The following EPB41L1 variants were observed in gnomAD, a reference collection of about 807,000 sequenced individuals.
EPB41L1 encodes erythrocyte membrane protein band 4.1 like 1, also known as band 4.1-like protein 1.
In EPB41L1, 29 loss-of-function variants were observed where a neutral mutation model predicts 97.8. The observed-to-expected ratio is 0.30, with a 90% confidence interval of 0.22 to 0.40. The LOEUF (loss-of-function observed/expected upper bound fraction) is 0.40. Among genes scored for constraint, EPB41L1 ranks in the 10% least tolerant of loss-of-function variants. The probability of loss-of-function intolerance (pLI) is 1.00; values close to 1 mark genes in which losing one functional copy is unlikely to be tolerated. For missense variants in EPB41L1, 812 were observed against 1,162.3 expected (o/e 0.70, Z 4.38); for synonymous variants, 383 against 459.2 (o/e 0.83, Z 2.12).
At chr20:36,117,425 T>C (rs2058620249) in intron 2 of EPB41L1, among the ~76,000 whole-genome samples, 1 of 137,936 alleles carries the variant, frequency 7.2e-6, no homozygotes, top group African/African-American at 3.6e-5. Context: ...AGAAGAATTC[T>C]TTCATAATTC....
In EPB41L1 at chr20:36,190,583, G is replaced by A. The variant is rs199952846; in HGVS notation, c.1125-39G>A. 3,508 of 1,613,084 alleles carry A rather than the reference G, an allele frequency of 2.2e-3. 3 individuals carry two copies. The highest frequency in any genetic ancestry group is 3.4e-3 in the Middle Eastern group (20 of 5,968). On this transcript the variant is annotated intron_variant, in intron 10 of 21. Transcript: ENST00000338074. This position sits in a 1 kb window ranked among gnomAD's most constrained non-coding sequence, Gnocchi z 5.8. ...TCTAACCTTGGGCCTGGCAGTGCAGGTCTGATTCCTCCTCCTCCCCTGCAT... is the reference window on the plus strand; with the variant it reads ...TCTAACCTTGGGCCTGGCAGTGCAGATCTGATTCCTCCTCCTCCCCTGCAT...
At position 36,092,885 on chromosome 20, in the gene EPB41L1, G is replaced by A. The variant is rs1023980165; in HGVS notation, c.-65+1273G>A. The A allele has an allele frequency of 6.6e-6, 1 of 152,102 alleles. No homozygotes were observed. The highest frequency in any genetic ancestry group is 2.4e-5 in the African/African-American group (1 of 41,438). The allele number at this position is 152,102 out of a possible 1,614,324, so 9.4% of individuals were successfully genotyped here. On this transcript the variant is annotated intron_variant, in intron 1 of 19. Transcript: ENST00000202028. The surrounding 1 kb of genome is among the most constrained non-coding windows in gnomAD (Gnocchi z 7.0). Reference sequence around the variant, plus strand: ...CGTCGGGTCCCGCGTGTGCGTGTGGGGTGGCCGCCGAGGGCGGCGGGCTCG... The same window carrying A: ...CGTCGGGTCCCGCGTGTGCGTGTGGAGTGGCCGCCGAGGGCGGCGGGCTCG...
intron 1 of EPB41L1, among the ~76,000 whole-genome samples, chr20:36,099,270 A>G (rs1373471633): frequency 1.3e-5 from 2 of 152,174 alleles, no homozygotes; most frequent in African/African-American, 4.8e-5. Flanking sequence ...AGCATGCCTA[A>G]TGAGGTAGTA....
At chr20:36,098,474 C>G (rs2057905776) in intron 1 of EPB41L1, among the ~76,000 whole-genome samples, 1 of 152,196 alleles carries the variant, frequency 6.6e-6, no homozygotes, top group Non-Finnish European at 1.5e-5. Flanking sequence ...CTGCCTTTCT[C>G]CTAGCTTCTG....
Position 36,146,360 on chromosome 20 carries a change from C to T in EPB41L1, c.-9-29191C>T, listed in dbSNP as rs183837824. Among the ~76,000 whole-genome samples, 1,244 of 152,292 alleles carry T rather than the reference C, an allele frequency of 8.2e-3. 16 individuals are homozygous for T. The highest frequency in any genetic ancestry group is 0.032 in the Admixed American group (492 of 15,302). On this transcript the variant is annotated intron_variant, in intron 2 of 19. Transcript: ENST00000202028. ...TCCTCAAGCTGCTCACAGGCTTCTA[C>T]GAGAGTCTGATTCATGCCCAGAGAA... is the stretch of plus-strand genomic sequence containing the variant.
At chr20:36,218,195 A>C (rs368714012) in intron 17 of EPB41L1, among the ~76,000 whole-genome samples, 1 of 152,262 alleles carries the variant, frequency 6.6e-6, no homozygotes, top group African/African-American at 2.4e-5. Context: ...ACTTGCTGGG[A>C]GACTGAACTC....
chr20:36,156,903 C>A (rs1464167047), intron 1 of EPB41L1, among the ~76,000 whole-genome samples: 1 of 152,118 alleles, frequency 6.6e-6, no homozygotes, highest in Non-Finnish European at 1.5e-5. Flanking sequence ...CCTAAGAGCC[C>A]CTTTCTGGGC....
chr20:36,210,598 T>A (rs954285928), intron 15 of EPB41L1, among the ~76,000 whole-genome samples: 2 of 152,156 alleles, frequency 1.3e-5, no homozygotes, highest in African/African-American at 4.8e-5. Flanking sequence ...CACTTCATGC[T>A]ATATTCTCTG....
At chr20:36,172,173 G>C (rs2061020055) in intron 1 of EPB41L1, among the ~76,000 whole-genome samples, 1 of 152,052 alleles carries the variant, frequency 6.6e-6, no homozygotes, top group South Asian at 2.1e-4. Flanking sequence ...CTGCCTCCTG[G>C]GTTCAAGCGA....
At position 36,197,946 on chromosome 20, in the gene EPB41L1, C is replaced by T; in HGVS notation, c.1573C>T (p.Leu525Phe). 6.2e-7 allele frequency: 1 copy of T among 1,614,184 alleles called. No homozygotes were observed. Among genetic ancestry groups the T allele is most frequent in the Non-Finnish European group, 8.5e-7 (1 of 1,180,034 alleles). ...GACCCTGAAGGAGCCCAACAGCAAACTCATCCACCGGGATCGAGACTGGGA... is the reference window on the plus strand; with the variant it reads ...GACCCTGAAGGAGCCCAACAGCAAATTCATCCACCGGGATCGAGACTGGGA... ...KRTLKEPNSK[L>F]IHRDRDWERE... Residue 525 changes from leucine (L) to phenylalanine (F), a missense_variant, in exon 14 of 22, where the codon CTC (leucine) becomes TTC (phenylalanine). Leu to Phe is a conservative substitution (Grantham distance 22). Transcript: ENST00000338074.
Position 36,176,634 on chromosome 20 carries a change from T to C in EPB41L1, c.342+919T>C, listed in dbSNP as rs532526862. On this transcript the variant is annotated intron_variant, in intron 3 of 21. Transcript: ENST00000338074. ...CATGTATTTTTTCTTTTTTTTCTTT[T>C]TTTTTTTTTTTTGTTGAGACAGAGT... 1.1e-4 allele frequency among the ~76,000 whole-genome samples: 17 copies of C among 149,746 alleles called. No individual in the cohort carries two copies. The South Asian group carries it at 2.3e-3, about 20-fold the overall frequency.
intron 1 of EPB41L1, among the ~76,000 whole-genome samples, chr20:36,104,397 A>G (rs1459490381): frequency 6.6e-6 from 1 of 152,220 alleles, no homozygotes; most frequent in Non-Finnish European, 1.5e-5. Flanking sequence ...CAGAAGGGGC[A>G]TAGGGTCGGC....
intron 2 of EPB41L1, among the ~76,000 whole-genome samples, chr20:36,132,987 G>A (rs1405713629): frequency 1.3e-5 from 2 of 152,224 alleles, no homozygotes; most frequent in Non-Finnish European, 2.9e-5. Flanking sequence ...AATACTCTTG[G>A]GAGGGCCAAG....
chr20:36,144,320 C>A (rs1055689345), intron 2 of EPB41L1, among the ~76,000 whole-genome samples: 4 of 152,194 alleles, frequency 2.6e-5, no homozygotes, highest in African/African-American at 9.7e-5. Context: ...CCCTCCCCTG[C>A]CTGGTTCCTT....
intron 2 of EPB41L1, among the ~76,000 whole-genome samples, chr20:36,136,283 G>A (rs1374164234): frequency 3.3e-5 from 5 of 150,394 alleles, no homozygotes; most frequent in Admixed American, 6.6e-5. Flanking sequence ...CGATCCTCCC[G>A]CCTCAGCCTC....
rs1331028561 is a variant in EPB41L1 at position 36,182,338 on chromosome 20, A to G, written c.557A>G (p.Asp186Gly). ...CCTGATCCTGCCCAGCTGACAGAAG[A>G]CATCACAAGGTGAGGGCTGTGGAGG... ...YPPDPAQLTE[D>G]ITRYYLCLQL... The change falls in exon 6 of 22, where the codon GAC (aspartate) becomes GGC (glycine). Residue 186 changes from aspartate to glycine, a missense_variant. Physicochemically the swap from Asp to Gly is moderately conservative, Grantham distance 94. Transcript: ENST00000338074. 1.2e-6 allele frequency: 2 copies of G among 1,614,084 alleles called. No individual in the cohort carries two copies.
At chr20:36,094,290 C>G (rs1234291415) in intron 1 of EPB41L1, among the ~76,000 whole-genome samples, 1 of 152,068 alleles carries the variant, frequency 6.6e-6, no homozygotes, top group African/African-American at 2.4e-5. Flanking sequence ...CATTTTGCTG[C>G]CAAATGGAAT....
chr20:36,229,451 T>C lies in EPB41L1; in HGVS notation c.*111T>C. 1 of 1,004,448 alleles carries C rather than the reference T, an allele frequency of 1.0e-6. No homozygotes were observed. The highest frequency in any genetic ancestry group is 1.6e-6 in the Non-Finnish European group (1 of 625,616). The allele number at this position is 1,004,448 out of a possible 1,614,324, so 62.2% of individuals were successfully genotyped here. On this transcript the variant is annotated 3_prime_UTR_variant, in exon 22 of 22. Transcript: ENST00000338074. The stretch of plus-strand genomic sequence containing the variant: ...CAACACTGACGTCCCAGCTGCGACG[T>C]ACTGTCACTGATGAGAGACTGGGAA...
intron 21 of EPB41L1, among the ~76,000 whole-genome samples, chr20:36,224,269 A>G (rs2063970528): frequency 6.6e-6 from 1 of 152,200 alleles, no homozygotes; most frequent in African/African-American, 2.4e-5. Flanking sequence ...ATATAAAAAA[A>G]GTAAATAATC....
Sources: allele counts gnomAD v4.1 joint callset (sites outside exome capture counted in the v4.1 genomes callset), GRCh38; gene constraint gnomAD v4.1.1; non-coding constraint Gnocchi (gnomAD v3.1); transcripts MANE v1.5; gene names NCBI Gene and HGNC (gene_info 2026-07-23, HGNC 2026-07-21).